The following CUBN variants were observed in gnomAD, a reference collection of about 807,000 sequenced individuals.
The protein encoded by CUBN is cubilin.
Under a neutral mutation model 405.3 loss-of-function variants are expected in CUBN, and 282 were observed. That is an observed-to-expected ratio of 0.70 (90% CI 0.63 to 0.77). The LOEUF is 0.77. Among genes scored for constraint, CUBN ranks in the 30% least tolerant of loss-of-function variants. The pLI is 0.00. For synonymous variants in CUBN, 1,684 were observed against 1,617.0 expected (o/e 1.04, Z -0.99); for missense variants, 4,514 against 4,475.2 (o/e 1.01, Z -0.25).
At chr10:17,048,840 A>C (rs7910499) in intron 22 of CUBN, among the ~76,000 whole-genome samples, 1 of 152,058 alleles carries the variant, frequency 6.6e-6, no homozygotes, top group South Asian at 2.1e-4. Flanking sequence ...ATAATCCCCA[A>C]GCTCAGAAAA....
intron 11 of CUBN, among the ~76,000 whole-genome samples, chr10:17,105,103 C>T (rs1836594169): frequency 1.3e-5 from 2 of 152,010 alleles, no homozygotes; most frequent in African/African-American, 4.8e-5. Context: ...GCCTGGCCTA[C>T]TGATATATTT....
chr10:16,931,657 T>G (rs1842367919), intron 40 of CUBN, among the ~76,000 whole-genome samples: 1 of 152,222 alleles, frequency 6.6e-6, no homozygotes, highest in African/African-American at 2.4e-5. Flanking sequence ...AAGATTTCAT[T>G]TATTACTTTC....
At chr10:16,947,487 T>G in intron 35 of CUBN, 120 bp from the exon 36 acceptor site, 1 of 1,112,114 alleles carries the variant, frequency 9.0e-7, no homozygotes. Context: ...TATTTCCATC[T>G]CACATTTTAA....
intron 36 of CUBN, among the ~76,000 whole-genome samples, chr10:16,942,463 T>C (rs181630335): frequency 1.1e-3 from 173 of 152,092 alleles, no homozygotes; most frequent in South Asian, 5.0e-3. Context: ...GAATGGCCAA[T>C]AAAAACATGA....
chr10:17,041,339 A>T (rs1472818105), intron 26 of CUBN, 119 bp from the exon 27 acceptor site: 1 of 771,904 alleles, frequency 1.3e-6, no homozygotes, highest in Non-Finnish European at 2.3e-6. Flanking sequence ...ACACACATAT[A>T]TGATGTGTAT....
chr10:16,993,823 A>C (rs3012479), intron 28 of CUBN, among the ~76,000 whole-genome samples: 88,120 of 151,862 alleles, frequency 0.58, 26,290 homozygotes, highest in Non-Finnish European at 0.67. Context: ...TCAATTTTAT[A>C]AGTGATACTC....
intron 14 of CUBN, among the ~76,000 whole-genome samples, chr10:17,095,735 T>A (rs979238000): frequency 2.0e-5 from 3 of 152,112 alleles, no homozygotes; most frequent in Non-Finnish European, 4.4e-5. Context: ...CAATCTCACT[T>A]CTGGTTATAT....
intron 29 of CUBN, among the ~76,000 whole-genome samples, chr10:16,989,356 T>C (rs1216327757): frequency 3.4e-5 from 5 of 148,374 alleles, no homozygotes; most frequent in African/African-American, 4.9e-5. Flanking sequence ...TAATCTGTTA[T>C]AATAAATATT....
At chr10:16,948,367 T>G in intron 35 of CUBN, 111 bp downstream of exon 35, 8 of 1,411,646 alleles carry the variant, frequency 5.7e-6, no homozygotes, top group Non-Finnish European at 7.9e-6. Context: ...GGCCCAGAGG[T>G]GATCTCAGGA....
chr10:17,105,814 C>G (rs1836616651), intron 10 of CUBN, among the ~76,000 whole-genome samples: 1 of 152,208 alleles, frequency 6.6e-6, no homozygotes, highest in Non-Finnish European at 1.5e-5. Context: ...ACTGGGTTGA[C>G]ATGGGTGCTG....
At chr10:16,855,606 A>G (rs1194367323) in intron 59 of CUBN, among the ~76,000 whole-genome samples, 1 of 152,198 alleles carries the variant, frequency 6.6e-6, no homozygotes, top group East Asian at 1.9e-4. Context: ...CCCATAAGTG[A>G]TAAAAACAAA....
At chr10:16,854,437 A>G (rs545867548) in intron 59 of CUBN, among the ~76,000 whole-genome samples, 2 of 152,266 alleles carry the variant, frequency 1.3e-5, no homozygotes, top group East Asian at 3.9e-4. Context: ...AAGTGGTAGA[A>G]TCAGGATGCA....
intron 60 of CUBN, among the ~76,000 whole-genome samples, chr10:16,845,318 T>C (rs1839480277): frequency 6.6e-6 from 1 of 152,258 alleles, no homozygotes; most frequent in African/African-American, 2.4e-5. Flanking sequence ...TTCCTGGGAA[T>C]TTGATCACAA....
At chr10:16,915,710 C>CTGCAGAGAAG in intron 46 of CUBN, 111 bp downstream of exon 46, 1 of 878,400 alleles carries the variant, frequency 1.1e-6, no homozygotes, top group Non-Finnish European at 1.9e-6. Context: ...CTGCACTTCT[C>CTGCAGAGAAG]TGCAGAGTAT....
intron 21 of CUBN, among the ~76,000 whole-genome samples, chr10:17,066,898 G>T (rs905190108): frequency 1.8e-4 from 28 of 152,086 alleles, no homozygotes; most frequent in Admixed American, 1.2e-3. Context: ...GGACAAAAAC[G>T]TATAAAACAA....
At chr10:16,932,587 A>G (rs1007594684) in intron 40 of CUBN, among the ~76,000 whole-genome samples, 1 of 152,154 alleles carries the variant, frequency 6.6e-6, no homozygotes, top group Admixed American at 6.5e-5. Context: ...TTACTATTTT[A>G]TATTCTTCTT....
At chr10:16,868,278 A>T (rs1412739729) in intron 59 of CUBN, among the ~76,000 whole-genome samples, 8 of 152,210 alleles carry the variant, frequency 5.3e-5, no homozygotes, top group Non-Finnish European at 1.0e-4. Flanking sequence ...ACAATGTCTA[A>T]TTGCTTTCCT....
chr10:16,937,712 A>G lies in CUBN; in HGVS notation c.5806T>C (p.Ser1936Pro). ...YCGTQTESFS[S>P]TGNSLTFHFY... ...TGAAATGTCAAAGAATTTCCAGTGGAGCTGAAAGATTCAGTCTGGGTACCA... is the reference window on the plus strand; with the variant it reads ...TGAAATGTCAAAGAATTTCCAGTGGGGCTGAAAGATTCAGTCTGGGTACCA... The change falls in exon 39 of 67, where the codon TCC (serine) becomes CCC (proline). Residue 1936 changes from serine to proline, a missense_variant. Transcript: ENST00000377833. 1.2e-6 allele frequency: 2 copies of G among 1,614,124 alleles called. No homozygotes were observed. The highest frequency in any genetic ancestry group is 1.7e-6 in the Non-Finnish European group (2 of 1,179,990).
intron 31 of CUBN, among the ~76,000 whole-genome samples, chr10:16,959,995 G>T (rs1843171935): frequency 6.6e-6 from 1 of 152,140 alleles, no homozygotes; most frequent in Non-Finnish European, 1.5e-5. Flanking sequence ...ATTTCTAGAT[G>T]ATAGTAATAA....
Sources: gnomAD v4.1 joint callset for allele counts (sites outside exome capture counted in the v4.1 genomes callset) on GRCh38, gnomAD v4.1.1 for gene constraint, MANE v1.5 for transcripts, NCBI Gene and HGNC (gene_info 2026-07-23, HGNC 2026-07-21) for gene names.